The following MEGF6 variants were observed in gnomAD, a reference collection of about 807,000 sequenced individuals.
MEGF6 encodes the protein multiple epidermal growth factor-like domains protein 6.
Under a neutral mutation model 207.1 loss-of-function variants are expected in MEGF6, and 184 were observed. The observed-to-expected ratio is 0.89, with a 90% CI of 0.79 to 1.00. The LOEUF is 1.00. MEGF6 is among the 50% of genes least tolerant of loss of function. MEGF6 has a pLI of 0.00. For missense variants in MEGF6, 2,282 were observed against 2,202.9 expected, an observed-to-expected ratio of 1.04 and a Z score of -0.72; for synonymous variants, 1,038 against 910.0, an observed-to-expected ratio of 1.14 and a Z score of -2.53.
chr1:3,500,422 G>A (rs1409138589), intron 21 of MEGF6, among the ~76,000 whole-genome samples: 1 of 152,250 alleles, frequency 6.6e-6, no homozygotes, highest in East Asian at 1.9e-4. Context: ...AAAGGCAGAG[G>A]AAGCCAGGCC....
chr1:3,497,072 A>G lies in MEGF6; in HGVS notation c.3529T>C (p.Cys1177Arg). The G allele has an allele frequency of 6.4e-7, 1 of 1,567,732 alleles. No individual in the cohort carries two copies. The highest frequency in any genetic ancestry group is 8.6e-7 in the Non-Finnish European group (1 of 1,157,316). The change falls in exon 28 of 37, where the codon TGT becomes CGT. Residue 1177 changes from cysteine (C) to arginine (R), a missense_variant. By Grantham distance (180) the Cys-to-Arg change is radical. Transcript: ENST00000356575. ...FGEDCAQMCQ[C>R]PGENPACHPA... ...TGGCAGGCCGGGTTCTCACCGGGAC[A>G]CTGGCACATCTGCGCACAGTCCTCC...
At position 3,499,211 on chromosome 1, in the gene MEGF6, G is replaced by A. The variant is rs369603432; in HGVS notation, c.3021C>T (p.Asn1007=). The A allele has an allele frequency of 8.3e-5, 134 of 1,604,956 alleles. 1 individual carries two copies. Among genetic ancestry groups the A allele is most frequent in the South Asian group, 4.0e-4 (36 of 89,276 alleles). ...HNCSQACACF[N]GASCDPVHGQ... is the part of the protein sequence containing the mutation. ...CGTGGACAGGGTCACAGGAGGCCCCGTTAAAGCAGGCACAGGCCTGGCTGC... is the reference window on the plus strand; with the variant it reads ...CGTGGACAGGGTCACAGGAGGCCCCATTAAAGCAGGCACAGGCCTGGCTGC... The change falls in exon 24 of 37, where the codon AAC becomes AAT. Residue 1007 remains asparagine, a synonymous_variant. Transcript: ENST00000356575.
In MEGF6 at chr1:3,543,420, C is replaced by T. The variant is rs80217692; in HGVS notation, c.482-19174G>A. Among the ~76,000 whole-genome samples, 166 of 152,354 alleles carry T rather than the reference C, an allele frequency of 1.1e-3. No homozygotes were observed. The East Asian group carries it at 0.015, about 14-fold the overall frequency. ...TGAGCCATGCGCTCACTCACTCGCT[C>T]GGCAAGACTACATTTTTGGGGGAGG... is the stretch of plus-strand genomic sequence containing the variant. On this transcript the variant is annotated intron_variant, in intron 4 of 36. Coordinates refer to ENST00000356575, the MANE Select transcript of MEGF6 (RefSeq NM_001409.4).
chr1:3,499,475 G>C, intron 23 of MEGF6, 113 bp downstream of exon 23: 1 of 1,479,252 alleles, frequency 6.8e-7, no homozygotes. Context: ...TCACTCTCAG[G>C]GGGGTTGCCT....
intron 7 of MEGF6, among the ~76,000 whole-genome samples, chr1:3,512,662 G>A (rs191118865): frequency 5.3e-5 from 8 of 152,340 alleles, no homozygotes; most frequent in African/African-American, 1.7e-4. Context: ...TTTTCCTACC[G>A]CTATCGACGT....
intron 3 of MEGF6, among the ~76,000 whole-genome samples, chr1:3,587,007 G>C (rs1643902588): frequency 6.6e-6 from 1 of 152,246 alleles, no homozygotes; most frequent in Non-Finnish European, 1.5e-5. Context: ...AAGGAGGAAG[G>C]CCACCACCCC....
chr1:3,501,858 C>G lies in MEGF6; in HGVS notation c.2252G>C (p.Cys751Ser). The G allele has an allele frequency of 1.2e-6, 2 of 1,608,458 alleles. No individual in the cohort carries two copies. Among genetic ancestry groups the G allele is most frequent in the Non-Finnish European group, 1.7e-6 (2 of 1,178,528 alleles). Reference protein sequence around the residue: ...SSSCSCGGAPCHGVTGQCRCP... With the variant: ...SSSCSCGGAPSHGVTGQCRCP... ...CCGGCACTGCCCCGTGACCCCGTGG[C>G]AGGGGGCCCCCCCACAGGAGCAGGA... is the stretch of plus-strand genomic sequence containing the variant. Residue 751 changes from cysteine (C) to serine (S), a missense_variant, in exon 18 of 37, where the codon TGC (cysteine) becomes TCC (serine). Coordinates refer to ENST00000356575, the MANE Select transcript of MEGF6 (RefSeq NM_001409.4).
intron 9 of MEGF6, 106 bp downstream of exon 9, chr1:3,511,444 A>G: frequency 8.2e-6 from 11 of 1,348,662 alleles, no homozygotes; most frequent in Non-Finnish European, 1.1e-5. Flanking sequence ...GGACTCAGGG[A>G]GACTGACGAG....
At chr1:3,580,506 G>A (rs1193957276) in intron 3 of MEGF6, among the ~76,000 whole-genome samples, 4 of 152,194 alleles carry the variant, frequency 2.6e-5, no homozygotes, top group Non-Finnish European at 4.4e-5. Flanking sequence ...CGAGGCCAGG[G>A]TGTGAGGGTG....
At position 3,488,837 on chromosome 1, in the gene MEGF6, C is replaced by T. The variant is rs979736050; in HGVS notation, c.*1691G>A. ...GTTATTTTTCCACCTTGTGCATTTC[C>T]AGGCTGACTGAGATCATTCACCTTT... On this transcript the variant is annotated 3_prime_UTR_variant, in exon 37 of 37. Transcript: ENST00000356575. 6.6e-6 allele frequency among the ~76,000 whole-genome samples: 1 copy of T among 152,162 alleles called. No homozygotes were observed. The highest frequency in any genetic ancestry group is 2.4e-5 in the African/African-American group (1 of 41,428).
intron 4 of MEGF6, 127 bp from the exon 5 acceptor site, chr1:3,524,373 C>T: frequency 8.2e-7 from 1 of 1,225,598 alleles, no homozygotes; most frequent in East Asian, 2.5e-5. Flanking sequence ...CACCCATGAG[C>T]CCCTCACCCA....
At chr1:3,606,722 C>T (rs1318251420) in intron 1 of MEGF6, among the ~76,000 whole-genome samples, 2 of 152,226 alleles carry the variant, frequency 1.3e-5, no homozygotes, top group Admixed American at 6.5e-5. Context: ...TGCCTTGCAA[C>T]GCACTTACCC....
At chr1:3,525,997 C>T (rs1641947379) in intron 4 of MEGF6, among the ~76,000 whole-genome samples, 1 of 152,240 alleles carries the variant, frequency 6.6e-6, no homozygotes. Flanking sequence ...AGAAGCCCTG[C>T]AGCTGCTGGG....
chr1:3,571,923 G>T (rs1302435722), intron 4 of MEGF6, among the ~76,000 whole-genome samples: 1 of 143,402 alleles, frequency 7.0e-6, no homozygotes, highest in African/African-American at 2.6e-5. Flanking sequence ...GTCCTTCAGG[G>T]TGTACTGGGT....
intron 29 of MEGF6, 37 bp downstream of exon 29, chr1:3,496,618 G>A (rs756040027): frequency 2.9e-5 from 45 of 1,562,126 alleles, no homozygotes; most frequent in Middle Eastern, 1.7e-4. Flanking sequence ...GGAGACACAG[G>A]AGGCGCCACT....
chr1:3,520,074 C>T (rs1461614144), intron 5 of MEGF6, among the ~76,000 whole-genome samples: 1 of 152,246 alleles, frequency 6.6e-6, no homozygotes, highest in Admixed American at 6.5e-5. Flanking sequence ...GGGAGAAGGA[C>T]AGCGGGCCCA....
chr1:3,538,244 A>G (rs570085224), intron 4 of MEGF6, among the ~76,000 whole-genome samples: 2 of 152,220 alleles, frequency 1.3e-5, no homozygotes, highest in South Asian at 4.1e-4. Flanking sequence ...CCCTGCGGAG[A>G]CAGAGCAGAC....
intron 4 of MEGF6, among the ~76,000 whole-genome samples, chr1:3,539,275 C>A (rs1472647087): frequency 1.3e-5 from 2 of 152,160 alleles, no homozygotes; most frequent in South Asian, 4.2e-4. Flanking sequence ...GGCCTCCCAT[C>A]AGGAGGCTGG....
rs777673938 is a variant in MEGF6 at position 3,494,004 on chromosome 1, C to T, written c.4250G>A (p.Cys1417Tyr). ...LCPAGFHGHF[C>Y]ERGCEPGSFG... ...AGGCACCAAGCACTCACCCCTCTCA[C>T]AGAAGTGGCCGTGGAAGCCGGCAGG... is the stretch of plus-strand genomic sequence containing the variant. Residue 1417 changes from cysteine to tyrosine, a missense_variant, in exon 33 of 37, where the codon TGT (cysteine) becomes TAT (tyrosine). Transcript: ENST00000356575. 76 of 1,601,580 alleles carry T rather than the reference C, an allele frequency of 4.7e-5. No homozygotes were observed. The highest frequency in any genetic ancestry group is 6.4e-5 in the Non-Finnish European group (75 of 1,175,168).
Sources: allele counts gnomAD v4.1 joint callset (sites outside exome capture counted in the v4.1 genomes callset), GRCh38; gene constraint gnomAD v4.1.1; transcripts MANE v1.5; gene names NCBI Gene and HGNC (gene_info 2026-07-23, HGNC 2026-07-21).